The following DEPDC1B variants were observed in gnomAD, a reference collection of about 807,000 sequenced individuals.
DEPDC1B encodes the protein DEP domain-containing protein 1B.
Under a neutral mutation model 66.5 loss-of-function variants are expected in DEPDC1B, and 51 were observed. The ratio of observed to expected loss-of-function variants is 0.77; its 90% CI spans 0.61 to 0.97. The LOEUF is 0.97. Ranked by LOEUF, DEPDC1B falls within the 50% of genes least tolerant of loss-of-function variation. The pLI is 0.00. For synonymous variants in DEPDC1B, 226 were observed against 223.6 expected (o/e 1.01, Z -0.10); for missense variants, 552 against 637.1 (o/e 0.87, Z 1.44).
chr5:60,641,471 C>T (rs573359670), intron 6 of DEPDC1B, among the ~76,000 whole-genome samples: 20 of 151,800 alleles, frequency 1.3e-4, no homozygotes, highest in Non-Finnish European at 2.5e-4. Context: ...ACTACAGGCG[C>T]CCGCCACCAA....
chr5:60,693,934 A>G (rs905114957), intron 1 of DEPDC1B, among the ~76,000 whole-genome samples: 9 of 152,108 alleles, frequency 5.9e-5, no homozygotes, highest in Admixed American at 1.3e-4. Flanking sequence ...AAAATTACCT[A>G]ATGCATAATA....
chr5:60,616,949 C>G (rs1752571259), intron 7 of DEPDC1B, among the ~76,000 whole-genome samples: 1 of 152,206 alleles, frequency 6.6e-6, no homozygotes, highest in African/African-American at 2.4e-5. Flanking sequence ...TCGGCAGAAA[C>G]CCTACAAGCC....
At chr5:60,614,724 C>T (rs1327906460) in intron 7 of DEPDC1B, among the ~76,000 whole-genome samples, 2 of 152,188 alleles carry the variant, frequency 1.3e-5, no homozygotes, top group African/African-American at 4.8e-5. Flanking sequence ...GGCATGGTGG[C>T]TGATGCCTGT....
At chr5:60,692,694 T>C (rs1210066076) in intron 1 of DEPDC1B, among the ~76,000 whole-genome samples, 1 of 152,060 alleles carries the variant, frequency 6.6e-6, no homozygotes, top group East Asian at 1.9e-4. Context: ...CAGAAATCCA[T>C]ATATATGCTC....
intron 2 of DEPDC1B, 40 bp downstream of exon 2, chr5:60,686,922 C>T: frequency 1.2e-6 from 2 of 1,607,160 alleles, no homozygotes; most frequent in South Asian, 2.2e-5. Context: ...TCACTCATCT[C>T]CCCAATTCCT....
At chr5:60,643,541 A>G (rs1753239309) in intron 5 of DEPDC1B, among the ~76,000 whole-genome samples, 1 of 152,238 alleles carries the variant, frequency 6.6e-6, no homozygotes, top group Non-Finnish European at 1.5e-5. Flanking sequence ...TAAAACTGCG[A>G]AGACACTTGT....
At chr5:60,640,361 T>A (rs1352761996) in intron 6 of DEPDC1B, among the ~76,000 whole-genome samples, 1 of 152,184 alleles carries the variant, frequency 6.6e-6, no homozygotes, top group East Asian at 1.9e-4. Flanking sequence ...CATCTCATCA[T>A]CCTTCTTAAA....
At chr5:60,638,393 A>G (rs143512973) in intron 7 of DEPDC1B, among the ~76,000 whole-genome samples, 1 of 152,326 alleles carries the variant, frequency 6.6e-6, no homozygotes, top group East Asian at 1.9e-4. Context: ...ACACTTGACT[A>G]TTCATGAAGT....
intron 2 of DEPDC1B, among the ~76,000 whole-genome samples, chr5:60,671,950 C>G (rs1754049683): frequency 6.6e-6 from 1 of 152,198 alleles, no homozygotes; most frequent in African/African-American, 2.4e-5. Context: ...CCAAATCCCA[C>G]CACTTGCTTT....
At chr5:60,614,396 C>A (rs370591141) in intron 7 of DEPDC1B, among the ~76,000 whole-genome samples, 2 of 152,130 alleles carry the variant, frequency 1.3e-5, no homozygotes, top group East Asian at 3.9e-4. Flanking sequence ...GAGACAGGGT[C>A]TTGCTTTATT....
At chr5:60,655,314 G>C (rs959955218) in intron 2 of DEPDC1B, among the ~76,000 whole-genome samples, 6 of 148,214 alleles carry the variant, frequency 4.0e-5, no homozygotes, top group Middle Eastern at 3.2e-3. Context: ...GCTTGCTATT[G>C]GTCTGTTCAG....
chr5:60,677,857 A>C (rs531939004), intron 2 of DEPDC1B, among the ~76,000 whole-genome samples: 2 of 152,366 alleles, frequency 1.3e-5, no homozygotes, highest in East Asian at 3.9e-4. Flanking sequence ...AAAGAAAAAT[A>C]AAATCACACT....
At chr5:60,616,650 T>A (rs1182473679) in intron 7 of DEPDC1B, among the ~76,000 whole-genome samples, 2 of 152,112 alleles carry the variant, frequency 1.3e-5, no homozygotes, top group African/African-American at 4.8e-5. Flanking sequence ...AAAGACCAAA[T>A]CTATATCTGA....
At chr5:60,685,658 G>C (rs546652460) in intron 2 of DEPDC1B, among the ~76,000 whole-genome samples, 39 of 152,270 alleles carry the variant, frequency 2.6e-4, no homozygotes, top group African/African-American at 8.9e-4. Context: ...GGTCACAATA[G>C]AATAGAATGG....
intron 7 of DEPDC1B, among the ~76,000 whole-genome samples, chr5:60,619,903 CA>C (rs1321118828): frequency 6.6e-6 from 1 of 152,188 alleles, no homozygotes; most frequent in East Asian, 1.9e-4. Context: ...TACAAGGCTA[CA>C]GTCACCAAAA....
At chr5:60,626,731 A>G (rs963967873) in intron 7 of DEPDC1B, among the ~76,000 whole-genome samples, 5 of 152,186 alleles carry the variant, frequency 3.3e-5, no homozygotes, top group African/African-American at 1.2e-4. Flanking sequence ...ATGTTATTCT[A>G]CAATACAGAT....
chr5:60,604,668 G>A (rs760612200), intron 8 of DEPDC1B, among the ~76,000 whole-genome samples: 14 of 152,002 alleles, frequency 9.2e-5, no homozygotes, highest in Admixed American at 2.0e-4. Context: ...TTAACACACT[G>A]CAAATGATCT....
At chr5:60,603,239 T>G (rs779722390) in intron 9 of DEPDC1B, 152 bp downstream of exon 9, 1 of 571,190 alleles carries the variant, frequency 1.8e-6, no homozygotes, top group Admixed American at 4.0e-5. Context: ...TACAAACACA[T>G]GCAGGGGATT....
At chr5:60,661,599 T>A (rs2111945004) in intron 2 of DEPDC1B, among the ~76,000 whole-genome samples, 1 of 152,308 alleles carries the variant, frequency 6.6e-6, no homozygotes, top group South Asian at 2.1e-4. Flanking sequence ...ATAACCCTGA[T>A]GGCTATATTG....
Sources: gnomAD v4.1 joint callset for allele counts (sites outside exome capture counted in the v4.1 genomes callset) on GRCh38, gnomAD v4.1.1 for gene constraint, MANE v1.5 for transcripts, NCBI Gene and HGNC (gene_info 2026-07-23, HGNC 2026-07-21) for gene names.